Variants in RASGRF1 observed in about 807,000 individuals in gnomAD.
RASGRF1 encodes Ras protein specific guanine nucleotide releasing factor 1, also known as ras-specific guanine nucleotide-releasing factor 1.
Under a neutral mutation model 138.7 loss-of-function variants are expected in RASGRF1, and 40 were observed. The observed-to-expected ratio is 0.29, with a 90% CI of 0.22 to 0.38. RASGRF1 has a LOEUF of 0.38. Ranked by LOEUF, RASGRF1 falls within the 10% of genes least tolerant of loss-of-function variation. The pLI, the probability that RASGRF1 is intolerant of heterozygous loss-of-function variation, is 1.00. For missense variants in RASGRF1, 1,108 were observed against 1,650.4 expected (o/e 0.67, Z 5.69); for synonymous variants, 614 against 663.2 (o/e 0.93, Z 1.14).
intron 3 of RASGRF1, among the ~76,000 whole-genome samples, chr15:79,053,839 C>T (rs1322457971): frequency 6.6e-6 from 1 of 152,222 alleles, no homozygotes; most frequent in Non-Finnish European, 1.5e-5. Context: ...TAAGCTTCTG[C>T]AGTTGCTGTC....
At chr15:78,994,699 T>C (rs1015984298) in intron 20 of RASGRF1, among the ~76,000 whole-genome samples, 11 of 152,194 alleles carry the variant, frequency 7.2e-5, no homozygotes, top group African/African-American at 2.7e-4. Flanking sequence ...AATGCCACTA[T>C]GAGCTTGGAT....
At chr15:79,059,176 ATCCTTCCCTTCCCTT>A (rs1475682403) in intron 2 of RASGRF1, among the ~76,000 whole-genome samples, 10 of 75,868 alleles carry the variant, frequency 1.3e-4, no homozygotes, top group African/African-American at 4.2e-4. Context: ...TCCCTTCCCT[ATCCTTCCCTTCCCTT>A]TCCTTCCCTA....
At chr15:78,978,602 C>G in intron 24 of RASGRF1, 8 of 992,616 alleles carry the variant, frequency 8.1e-6, no homozygotes, top group Non-Finnish European at 9.6e-6. Flanking sequence ...CATGGTGAGG[C>G]CCATAGCAGG....
chr15:78,998,243 T>C, intron 18 of RASGRF1, 35 bp from the exon 19 acceptor site: 1 of 1,556,112 alleles, frequency 6.4e-7, no homozygotes, highest in Non-Finnish European at 8.9e-7. Context: ...CTCTGGTTAC[T>C]GTTTTTGAGC....
rs559447967 is a variant in RASGRF1 at position 79,014,274 on chromosome 15, C to T, written c.1826+1053G>A. ...CTACTCAGAGTAAAAGAAGTCATTA[C>T]GCAAAAAAGATCCTTGCTCATGCAT... On this transcript the variant is annotated intron_variant, in intron 13 of 26. Coordinates refer to ENST00000558480, the MANE Select transcript of RASGRF1 (RefSeq NM_001145648.3). 1.7e-3 allele frequency among the ~76,000 whole-genome samples: 259 copies of T among 152,250 alleles called. 2 individuals carry two copies. Among genetic ancestry groups the T allele is most frequent in the African/African-American group, 5.7e-3 (235 of 41,540 alleles).
At chr15:79,079,792 C>G (rs892837062) in intron 1 of RASGRF1, among the ~76,000 whole-genome samples, 4 of 152,150 alleles carry the variant, frequency 2.6e-5, no homozygotes, top group Middle Eastern at 3.2e-3. Context: ...ATTACCAATC[C>G]TAAAATTTAA....
intron 26 of RASGRF1, among the ~76,000 whole-genome samples, chr15:78,970,037 T>C (rs1033790713): frequency 6.6e-6 from 1 of 152,238 alleles, no homozygotes; most frequent in Non-Finnish European, 1.5e-5. Flanking sequence ...AAGCAGATCA[T>C]GAGTTCTCAG....
At chr15:79,066,454 A>C (rs1277380192) in intron 1 of RASGRF1, among the ~76,000 whole-genome samples, 2 of 152,188 alleles carry the variant, frequency 1.3e-5, no homozygotes, top group Non-Finnish European at 2.9e-5. Context: ...GAAACAAGGC[A>C]CTCAGCTACA....
intron 1 of RASGRF1, among the ~76,000 whole-genome samples, chr15:79,075,813 G>C (rs940752629): frequency 6.6e-6 from 1 of 152,206 alleles, no homozygotes; most frequent in Non-Finnish European, 1.5e-5. Flanking sequence ...GTGAAGCTCA[G>C]AGCTGGGCAC....
In RASGRF1 at chr15:79,027,843, C is replaced by G; in HGVS notation, c.1279G>C (p.Val427Leu). 1 of 1,614,228 alleles carries G rather than the reference C, an allele frequency of 6.2e-7. No homozygotes were observed. The highest frequency in any genetic ancestry group is 8.5e-7 in the Non-Finnish European group (1 of 1,180,034). Residue 427 changes from valine to leucine, a missense_variant, in exon 9 of 27, where the codon GTA becomes CTA. Coordinates refer to ENST00000558480, the MANE Select transcript of RASGRF1 (RefSeq NM_001145648.3). The surrounding 1 kb of genome is among the most constrained non-coding windows in gnomAD (Gnocchi z 4.8). Reference protein sequence around the residue: ...EELSRIMHDEVSETENIRKNL... With the variant: ...EELSRIMHDELSETENIRKNL... ...TTCCGGATGTTCTCCGTCTCACTTA[C>G]TTCATCGTGCATTATTCTGTGGGGA...
Position 78,998,109 on chromosome 15 carries a change from C to T in RASGRF1, c.2953G>A (p.Ala985Thr), listed in dbSNP as rs1409912907. 3.1e-6 allele frequency: 5 copies of T among 1,613,792 alleles called. No individual in the cohort carries two copies. The Admixed American group carries it at 8.3e-5, about 27-fold the overall frequency. The change falls in exon 19 of 27, where the codon GCC becomes ACC. Residue 985 changes from alanine to threonine, a missense_variant. Physicochemically the swap from Ala to Thr is moderately conservative, Grantham distance 58. Around this residue, in one of 3 missense-constraint regions of RASGRF1, gnomAD observed 686 missense variants for 976.7 expected, o/e 0.70. Transcript: ENST00000558480. ...ELLTQERKAA[A>T]NIIRTLTQED... ...TACTGCCTTTACCTGATGATGTTGG[C>T]TGCAGCCTTCCGCTCCTGGGTCAGG...
intron 20 of RASGRF1, among the ~76,000 whole-genome samples, chr15:78,993,498 G>A (rs1397102493): frequency 6.6e-6 from 1 of 152,034 alleles, no homozygotes; most frequent in Non-Finnish European, 1.5e-5. Context: ...GGTGTTGGGG[G>A]ACATGAAGCC....
At chr15:78,966,765 A>C (rs1320490860) in intron 26 of RASGRF1, among the ~76,000 whole-genome samples, 1 of 152,092 alleles carries the variant, frequency 6.6e-6, no homozygotes, top group Admixed American at 6.6e-5. Context: ...AGAGCCCCCC[A>C]AATCCAGTGC....
chr15:79,071,254 C>A (rs61070154), intron 1 of RASGRF1, among the ~76,000 whole-genome samples: 4 of 152,244 alleles, frequency 2.6e-5, no homozygotes, highest in Non-Finnish European at 5.9e-5. Flanking sequence ...TCTAGAAAAA[C>A]TCCACCTCTT....
chr15:79,055,125 A>G (rs1490574110), intron 3 of RASGRF1, among the ~76,000 whole-genome samples: 1 of 152,166 alleles, frequency 6.6e-6, no homozygotes, highest in Non-Finnish European at 1.5e-5. Flanking sequence ...TGGAGGCGAG[A>G]GACTTTGGGT....
intron 13 of RASGRF1, among the ~76,000 whole-genome samples, chr15:79,008,314 G>T (rs1304564681): frequency 6.6e-6 from 1 of 152,242 alleles, no homozygotes; most frequent in East Asian, 1.9e-4. Context: ...GAGCAGGGCA[G>T]TGGGATTTCT....
chr15:78,995,698 G>A, intron 20 of RASGRF1, 42 bp downstream of exon 20: 1 of 1,609,382 alleles, frequency 6.2e-7, no homozygotes, highest in African/African-American at 1.3e-5. Flanking sequence ...CAGGAGGATG[G>A]GGAGGAAAGC....
intron 3 of RASGRF1, among the ~76,000 whole-genome samples, chr15:79,051,566 T>G (rs1054914246): frequency 6.6e-6 from 1 of 152,186 alleles, no homozygotes; most frequent in Admixed American, 6.5e-5. Context: ...GTTTTGGGAT[T>G]TGCACATAGC....
intron 1 of RASGRF1, among the ~76,000 whole-genome samples, chr15:79,079,396 G>A (rs2057883040): frequency 6.7e-6 from 1 of 149,550 alleles, no homozygotes; most frequent in East Asian, 2.0e-4. Context: ...ATTAACTGCG[G>A]CTCCATTTGT....
Sources: gnomAD v4.1 joint callset for allele counts (sites outside exome capture counted in the v4.1 genomes callset) on GRCh38, gnomAD v4.1.1 for gene constraint, gnomAD v4.1.1 regional missense constraint, Gnocchi (gnomAD v3.1) non-coding constraint, MANE v1.5 for transcripts, NCBI Gene and HGNC (gene_info 2026-07-23, HGNC 2026-07-21) for gene names.